CCDC141: variants seen among roughly 807,000 people sequenced by gnomAD.
CCDC141 encodes coiled-coil domain-containing protein 141.
Under a neutral mutation model 181.0 loss-of-function variants are expected in CCDC141, and 168 were observed. The ratio of observed to expected loss-of-function variants is 0.93; its 90% CI spans 0.82 to 1.05. The LOEUF (loss-of-function observed/expected upper bound fraction) is 1.05. CCDC141 is among the 50% of genes least tolerant of loss of function. The probability of loss-of-function intolerance (pLI) is 0.00; values close to 1 mark genes in which losing one functional copy is unlikely to be tolerated. For missense variants in CCDC141, 1,902 were observed against 1,788.5 expected (o/e 1.06, Z -1.14); for synonymous variants, 666 against 642.3 (o/e 1.04, Z -0.56).
intron 2 of CCDC141, among the ~76,000 whole-genome samples, chr2:178,999,456 C>T (rs1337960804): frequency 2.6e-5 from 4 of 152,156 alleles, no homozygotes; most frequent in Non-Finnish European, 5.9e-5. Flanking sequence ...TAGGTTCACC[C>T]TCACCCAATC....
chr2:178,882,524 A>T (rs763819763), intron 11 of CCDC141, among the ~76,000 whole-genome samples: 3 of 152,196 alleles, frequency 2.0e-5, no homozygotes, highest in Non-Finnish European at 2.9e-5. Flanking sequence ...GAACCCATGG[A>T]GGACAGGTGA....
intron 3 of CCDC141, among the ~76,000 whole-genome samples, chr2:178,977,796 C>T (rs1691188388): frequency 6.6e-6 from 1 of 152,124 alleles, no homozygotes; most frequent in South Asian, 2.1e-4. Flanking sequence ...AGTGAAATTT[C>T]CAATAACTGT....
At chr2:178,875,725 T>G (rs1472378544) in intron 12 of CCDC141, 1 of 152,152 alleles carries the variant, frequency 6.6e-6, no homozygotes, top group Non-Finnish European at 1.5e-5. Flanking sequence ...ATCAGTAATT[T>G]AATAAATAAA....
chr2:179,046,442 G>A (rs373718186), intron 2 of CCDC141, among the ~76,000 whole-genome samples: 73 of 152,302 alleles, frequency 4.8e-4, no homozygotes, highest in Admixed American at 9.8e-4. Flanking sequence ...TGTCTGCTCC[G>A]CAGCCCCACT....
intron 6 of CCDC141, among the ~76,000 whole-genome samples, chr2:178,924,013 T>C (rs1688819422): frequency 6.6e-6 from 1 of 152,170 alleles, no homozygotes; most frequent in African/African-American, 2.4e-5. Flanking sequence ...TGTTAGCTGC[T>C]CCAACTGAAA....
At chr2:178,929,669 C>A (rs748741150) in intron 6 of CCDC141, among the ~76,000 whole-genome samples, 6 of 152,002 alleles carry the variant, frequency 3.9e-5, no homozygotes, top group Admixed American at 6.5e-5. Context: ...CATGTCCACA[C>A]CTTAAGAGAC....
chr2:179,009,920 G>A (rs1006693540), intron 2 of CCDC141, among the ~76,000 whole-genome samples: 5 of 151,902 alleles, frequency 3.3e-5, no homozygotes, highest in Non-Finnish European at 7.4e-5. Flanking sequence ...AGTGAAGGGA[G>A]AAATATTAAA....
At chr2:178,893,822 C>T (rs999962323) in intron 8 of CCDC141, among the ~76,000 whole-genome samples, 25 of 128,174 alleles carry the variant, frequency 2.0e-4, no homozygotes, top group African/African-American at 6.3e-4. Flanking sequence ...CACACACACA[C>T]GCACACACAC....
At chr2:178,987,261 C>A (rs1347671577) in intron 2 of CCDC141, among the ~76,000 whole-genome samples, 2 of 151,646 alleles carry the variant, frequency 1.3e-5, no homozygotes, top group Non-Finnish European at 1.5e-5. Flanking sequence ...AACTGGCTAG[C>A]CATATGTAGA....
At position 178,837,036 on chromosome 2, in the gene CCDC141, T is replaced by A; in HGVS notation, c.4183A>T (p.Thr1395Ser). The A allele has an allele frequency of 6.2e-7, 1 of 1,614,058 alleles. No homozygotes were observed. Among genetic ancestry groups the A allele is most frequent in the Non-Finnish European group, 8.5e-7 (1 of 1,179,960 alleles). The change falls in exon 23 of 24, where the codon ACA becomes TCA. Residue 1395 changes from threonine to serine, a missense_variant. By Grantham distance (58) the Thr-to-Ser change is moderately conservative. Transcript: ENST00000443758. ...CTGACCACGCTGCTCTTTGCTGATG[T>A]GCTTTTAATCTCTTCTCGAGGAACC... Reference protein sequence around the residue: ...QMVPREEIKSTSAKSSVVSLA... With the variant: ...QMVPREEIKSSSAKSSVVSLA...
intron 5 of CCDC141, among the ~76,000 whole-genome samples, chr2:178,955,067 T>G (rs1426798444): frequency 6.6e-6 from 1 of 152,084 alleles, no homozygotes; most frequent in Non-Finnish European, 1.5e-5. Flanking sequence ...AGCAGATCAC[T>G]TGAGCCCAGG....
In CCDC141 at chr2:178,833,135, A is replaced by C. The variant is rs1684327398; in HGVS notation, c.*1038T>G. The C allele has an allele frequency of 6.6e-6, 1 of 152,176 alleles. No individual in the cohort carries two copies. Among genetic ancestry groups the C allele is most frequent in the Non-Finnish European group, 1.5e-5 (1 of 68,032 alleles). 9.4% of individuals were successfully genotyped at this position (152,176 alleles called of 1,614,324 possible). ...CACTTTCCTCCATGGAACTAGTTGA[A>C]GATTACATATTAACAGCACTCCTTT... On this transcript the variant is annotated 3_prime_UTR_variant, in exon 24 of 24. Coordinates refer to ENST00000443758, the MANE Select transcript of CCDC141 (RefSeq NM_173648.4).
In CCDC141 at chr2:178,832,493, C is replaced by CAAACAAAAA. The variant is rs1684296299; in HGVS notation, c.*1679_*1680insTTTTTGTTT. 1 of 117,214 alleles carries CAAACAAAAA rather than the reference C, an allele frequency of 8.5e-6. No homozygotes were observed. Among genetic ancestry groups the CAAACAAAAA allele is most frequent in the African/African-American group, 3.0e-5 (1 of 33,518 alleles). The allele number at this position is 117,214 out of a possible 1,614,324, so 7.3% of individuals were successfully genotyped here. A position where few individuals can be genotyped will look rare whatever the true frequency, so the allele number is the denominator to read the frequency against. ...AAAAAAAAAAAAAAAACAAAAAAAA[C>CAAACAAAAA]AAAAAAAAGATAGTTAAGAGAAATT... On this transcript the variant is annotated 3_prime_UTR_variant, in exon 24 of 24. Coordinates refer to ENST00000443758, the MANE Select transcript of CCDC141 (RefSeq NM_173648.4).
intron 2 of CCDC141, among the ~76,000 whole-genome samples, chr2:178,990,435 G>A (rs1181001181): frequency 2.6e-5 from 4 of 151,692 alleles, no homozygotes; most frequent in African/African-American, 4.8e-5. Flanking sequence ...AACAATCCAA[G>A]TGTCCATTTA....
intron 2 of CCDC141, among the ~76,000 whole-genome samples, chr2:179,012,837 C>T (rs1216240604): frequency 1.3e-5 from 2 of 151,964 alleles, no homozygotes; most frequent in African/African-American, 2.4e-5. Flanking sequence ...ATGTGATATA[C>T]CACGTAAACA....
intron 2 of CCDC141, among the ~76,000 whole-genome samples, chr2:178,991,806 A>T (rs1692068679): frequency 6.6e-6 from 1 of 152,014 alleles, no homozygotes; most frequent in Non-Finnish European, 1.5e-5. Flanking sequence ...AATATGTGCA[A>T]TTATTATGTA....
Position 178,920,640 on chromosome 2 carries a change from C to T in CCDC141, c.898-1733G>A, listed in dbSNP as rs566631911. Among the ~76,000 whole-genome samples, 18 of 151,844 alleles carry T rather than the reference C, an allele frequency of 1.2e-4. No homozygotes were observed. In the South Asian group the frequency reaches 3.3e-3, roughly 28 times the overall value. ...CGGTGGGGCTGAGGTAGGAGGATCGCTTGAGACCAGGAAGTTGAGGCTGCA... is the reference window on the plus strand; with the variant it reads ...CGGTGGGGCTGAGGTAGGAGGATCGTTTGAGACCAGGAAGTTGAGGCTGCA... On this transcript the variant is annotated intron_variant, in intron 6 of 23. Coordinates refer to ENST00000443758, the MANE Select transcript of CCDC141 (RefSeq NM_173648.4).
intron 2 of CCDC141, 124 bp downstream of exon 2, chr2:179,047,160 A>C (rs1255836830): frequency 6.6e-5 from 47 of 708,622 alleles, no homozygotes; most frequent in South Asian, 1.8e-4. Flanking sequence ...TGATTTTTCC[A>C]TTATCTACCT....
intron 7 of CCDC141, among the ~76,000 whole-genome samples, 187 bp downstream of exon 7, chr2:178,918,526 C>CT (rs1400496082): frequency 6.6e-6 from 1 of 152,166 alleles, no homozygotes; most frequent in Non-Finnish European, 1.5e-5. Context: ...TGAAAACAGT[C>CT]TTTCAGTTTT....
Sources: allele counts gnomAD v4.1 joint callset (sites outside exome capture counted in the v4.1 genomes callset), GRCh38; gene constraint gnomAD v4.1.1; transcripts MANE v1.5; gene names NCBI Gene and HGNC (gene_info 2026-07-23, HGNC 2026-07-21).